Variants in KIF21B observed in about 807,000 individuals in gnomAD.
KIF21B encodes kinesin family member 21B.
KIF21B carries 85 observed loss-of-function variants against 192.9 expected under a neutral mutation model. The observed-to-expected ratio is 0.44, with a 90% CI of 0.37 to 0.53. KIF21B has a LOEUF of 0.53. KIF21B is among the 20% of genes least tolerant of loss of function. The probability of loss-of-function intolerance (pLI) is 0.00; values close to 1 mark genes in which losing one functional copy is unlikely to be tolerated. For missense variants in KIF21B, 1,716 were observed against 2,194.8 expected, an observed-to-expected ratio of 0.78 and a Z score of 4.36; for synonymous variants, 832 against 884.6, an observed-to-expected ratio of 0.94 and a Z score of 1.05.
chr1:201,013,305 A>G (rs373233454), intron 1 of KIF21B, among the ~76,000 whole-genome samples: 1 of 151,996 alleles, frequency 6.6e-6, no homozygotes, highest in Non-Finnish European at 1.5e-5. Flanking sequence ...CCTGCTTTCA[A>G]CTTTCTAAGA....
At chr1:200,992,169 C>G (rs965494605) in intron 16 of KIF21B, 113 bp downstream of exon 16, 6 of 842,378 alleles carry the variant, frequency 7.1e-6, no homozygotes, top group Non-Finnish European at 1.1e-5. Flanking sequence ...ACCATTACCA[C>G]TTAGGACAGT....
Position 200,973,390 on chromosome 1 carries a change from G to A in KIF21B, c.*131C>T. On this transcript the variant is annotated 3_prime_UTR_variant, in exon 35 of 35. Transcript: ENST00000461742. Reference sequence around the variant, plus strand: ...CTGTGGGAAGGCCAAGGGAGAGGGAGGAGGGCAGGAGAGGGGGCCACGCCC... The same window carrying A: ...CTGTGGGAAGGCCAAGGGAGAGGGAAGAGGGCAGGAGAGGGGGCCACGCCC... The A allele has an allele frequency of 4.4e-6, 5 of 1,144,612 alleles. No individual in the cohort carries two copies. Among genetic ancestry groups the A allele is most frequent in the Non-Finnish European group, 5.7e-6 (5 of 870,370 alleles). 70.9% of individuals were successfully genotyped at this position (1,144,612 alleles called of 1,614,324 possible). A position where few individuals can be genotyped will look rare whatever the true frequency, so the allele number is the denominator to read the frequency against.
rs1213611721 is a variant in KIF21B at position 201,023,555 on chromosome 1, C to T, written c.-172G>A. On this transcript the variant is annotated 5_prime_UTR_variant, in exon 1 of 35. Coordinates refer to ENST00000461742, the MANE Select transcript of KIF21B (RefSeq NM_001252102.2). The surrounding 1 kb of genome is among the most constrained non-coding windows in gnomAD (Gnocchi z 5.9). Reference sequence around the variant, plus strand: ...CGGGCGGCAGGCCGAGGGGCTCACCCGCGGCCGGCCCCCCGGGGCTGGGCC... The same window carrying T: ...CGGGCGGCAGGCCGAGGGGCTCACCTGCGGCCGGCCCCCCGGGGCTGGGCC... 4.4e-5 allele frequency: 8 copies of T among 183,874 alleles called. No individual in the cohort carries two copies. Among genetic ancestry groups the T allele is most frequent in the Admixed American group, 2.0e-4 (3 of 15,272 alleles). The allele number at this position is 183,874 out of a possible 1,614,324, so 11.4% of individuals were successfully genotyped here.
At chr1:200,989,098 C>G (rs954765821) in intron 21 of KIF21B, among the ~76,000 whole-genome samples, 167 bp from the exon 22 acceptor site, 1 of 152,152 alleles carries the variant, frequency 6.6e-6, no homozygotes, top group Non-Finnish European at 1.5e-5. Flanking sequence ...CCTTAGCTCC[C>G]ACATACACAC....
intron 3 of KIF21B, among the ~76,000 whole-genome samples, chr1:201,006,528 A>G (rs571632063): frequency 1.3e-5 from 2 of 152,268 alleles, no homozygotes; most frequent in African/African-American, 4.8e-5. Flanking sequence ...AAAGGGACAG[A>G]AATACCCCAC....
rs1655890536 is a variant in KIF21B at position 200,981,102 on chromosome 1, C to CG, written c.3843-7dup. 3.2e-6 allele frequency: 5 copies of CG among 1,579,156 alleles called. No individual in the cohort carries two copies. Among genetic ancestry groups the CG allele is most frequent in the Non-Finnish European group, 4.3e-6 (5 of 1,168,022 alleles). ...CAACCGGGGAGATGATGCCCCTTCC[C>CG]GGGAGAGAGGGAGAGAAGGCATGCT... is the stretch of plus-strand genomic sequence containing the variant. On this transcript the variant is annotated splice_polypyrimidine_tract_variant and splice_region_variant and intron_variant, in intron 28 of 34. Coordinates refer to ENST00000461742, the MANE Select transcript of KIF21B (RefSeq NM_001252102.2).
At chr1:201,020,142 C>G (rs1232542945) in intron 1 of KIF21B, among the ~76,000 whole-genome samples, 2 of 152,058 alleles carry the variant, frequency 1.3e-5, no homozygotes, top group African/African-American at 4.8e-5. Context: ...CTTAGGGAAG[C>G]CAGGCAGAGA....
chr1:200,973,330 C>T lies in KIF21B; in HGVS notation c.*191G>A, dbSNP rs1437569856. Reference sequence around the variant, plus strand: ...CCAGCCTCTCTCTCACCCAGAGGCTCCTGAGAGGCAGGGGAGGGATGAGGG... The same window carrying T: ...CCAGCCTCTCTCTCACCCAGAGGCTTCTGAGAGGCAGGGGAGGGATGAGGG... On this transcript the variant is annotated 3_prime_UTR_variant, in exon 35 of 35. Transcript: ENST00000461742. 1 of 592,386 alleles carries T rather than the reference C, an allele frequency of 1.7e-6. No individual in the cohort carries two copies. Among genetic ancestry groups the T allele is most frequent in the African/African-American group, 2.0e-5 (1 of 51,178 alleles). 36.7% of individuals were successfully genotyped at this position (592,386 alleles called of 1,614,324 possible).
At chr1:201,021,807 A>G (rs1215152640) in intron 1 of KIF21B, among the ~76,000 whole-genome samples, 1 of 152,072 alleles carries the variant, frequency 6.6e-6, no homozygotes, top group Non-Finnish European at 1.5e-5. Flanking sequence ...GGTGGGGGCC[A>G]GAGCTTCATT....
Position 200,998,556 on chromosome 1 carries a change from G to A in KIF21B, c.1905C>T (p.Asp635=), listed in dbSNP as rs758097500. 2 of 1,613,618 alleles carry A rather than the reference G, an allele frequency of 1.2e-6. No individual in the cohort carries two copies. The highest frequency in any genetic ancestry group is 1.7e-6 in the Non-Finnish European group (2 of 1,179,956). ...CGATCTCACAAGTCAGGTCGGCCAGGTCCGCCTGGAAGTTCACCTCTATGG... is the reference window on the plus strand; with the variant it reads ...CGATCTCACAAGTCAGGTCGGCCAGATCCGCCTGGAAGTTCACCTCTATGG... ...PEEKEVNFQA[D]LADLTCEIEI... is the part of the protein sequence containing the mutation. The change falls in exon 14 of 35, where the codon GAC becomes GAT. Residue 635 remains aspartate, a synonymous_variant. Transcript: ENST00000461742. The surrounding 1 kb of genome is among the most constrained non-coding windows in gnomAD (Gnocchi z 4.3).
intron 31 of KIF21B, 121 bp downstream of exon 31, chr1:200,977,091 T>TG: frequency 8.4e-7 from 1 of 1,196,632 alleles, no homozygotes; most frequent in Non-Finnish European, 1.2e-6. Context: ...CCCAGCAGCA[T>TG]GGGGGGAATA....
At chr1:201,005,507 T>C in intron 4 of KIF21B, 38 bp downstream of exon 4, 1 of 1,599,190 alleles carries the variant, frequency 6.3e-7, no homozygotes, top group South Asian at 1.1e-5. Context: ...CCTTTCAGGA[T>C]GCCCTGGACC....
In KIF21B at chr1:200,990,503, A is replaced by G. The variant is rs1252289461; in HGVS notation, c.2835+73T>C. The G allele has an allele frequency of 6.4e-7, 1 of 1,562,942 alleles. No homozygotes were observed. The highest frequency in any genetic ancestry group is 2.2e-5 in the East Asian group (1 of 44,510). ...AAGTGGGGCAGGGAAAGGTCTGAAG[A>G]GCCAGAGAAGTTGGAGGTGTCAGAG... On this transcript the variant is annotated intron_variant, in intron 19 of 34. Transcript: ENST00000461742. This position sits in a 1 kb window ranked among gnomAD's most constrained non-coding sequence, Gnocchi z 5.4.
chr1:201,002,233 C>A lies in KIF21B; in HGVS notation c.1330G>T (p.Ala444Ser). 6.2e-7 allele frequency: 1 copy of A among 1,614,194 alleles called. No homozygotes were observed. Among genetic ancestry groups the A allele is most frequent in the Non-Finnish European group, 8.5e-7 (1 of 1,180,030 alleles). The change falls in exon 9 of 35, where the codon GCC (alanine) becomes TCC (serine). Residue 444 changes from alanine (A) to serine (S), a missense_variant. By Grantham distance (99) the Ala-to-Ser change is moderately conservative (BLOSUM62 1). Coordinates refer to ENST00000461742, the MANE Select transcript of KIF21B (RefSeq NM_001252102.2). ...ACGCGGTTGTTGATGGCATCGATGG[C>A]CTCCTGCATGGCTTTCACCCGCAGC... ...LRLRVKAMQE[A>S]IDAINNRVTQ...
chr1:201,017,464 C>T lies in KIF21B; in HGVS notation c.41+5879G>A, dbSNP rs1432916770. Among the ~76,000 whole-genome samples, 3 of 152,222 alleles carry T rather than the reference C, an allele frequency of 2.0e-5. No individual in the cohort carries two copies. Among genetic ancestry groups the T allele is most frequent in the Non-Finnish European group, 2.9e-5 (2 of 68,020 alleles). The stretch of plus-strand genomic sequence containing the variant: ...CAGCGCCACTCTCCCTGTCCCACCC[C>T]CATCTCAGGGCATCTGGCAGGGGTT... On this transcript the variant is annotated intron_variant, in intron 1 of 34. Transcript: ENST00000461742. This position sits in a 1 kb window ranked among gnomAD's most constrained non-coding sequence, Gnocchi z 4.1.
Position 201,000,333 on chromosome 1 carries a change from C to T in KIF21B, c.1685+57G>A. ...GGCAGCAGTCCTCCTTGGGGACGGGCAGGGTCCACTGGGGCGGTCTGAGGG... is the reference window on the plus strand; with the variant it reads ...GGCAGCAGTCCTCCTTGGGGACGGGTAGGGTCCACTGGGGCGGTCTGAGGG... On this transcript the variant is annotated intron_variant, in intron 11 of 34. Coordinates refer to ENST00000461742, the MANE Select transcript of KIF21B (RefSeq NM_001252102.2). The surrounding 1 kb of genome is among the most constrained non-coding windows in gnomAD (Gnocchi z 6.0). 6.8e-7 allele frequency: 1 copy of T among 1,477,090 alleles called. No individual in the cohort carries two copies. Among genetic ancestry groups the T allele is most frequent in the Non-Finnish European group, 9.0e-7 (1 of 1,108,230 alleles). 91.5% of individuals were successfully genotyped at this position (1,477,090 alleles called of 1,614,324 possible).
At chr1:200,989,616 G>A (rs1395653) in intron 21 of KIF21B, among the ~76,000 whole-genome samples, 39,129 of 152,194 alleles carry the variant, frequency 0.26, 6,021 homozygotes, top group African/African-American at 0.43. Context: ...TCCACCTCCA[G>A]CAGACTCAAG....
At chr1:201,022,059 A>C (rs1327488333) in intron 1 of KIF21B, among the ~76,000 whole-genome samples, 2 of 152,198 alleles carry the variant, frequency 1.3e-5, no homozygotes, top group Non-Finnish European at 2.9e-5. Context: ...AGTGCTGCCT[A>C]GGGTGCATGG....
At chr1:201,002,505 C>G in intron 8 of KIF21B, 155 bp from the exon 9 acceptor site, 1 of 641,074 alleles carries the variant, frequency 1.6e-6, no homozygotes, top group Non-Finnish European at 2.7e-6. Context: ...TAAAACACAG[C>G]TACTGGCCCC....
Sources: allele counts gnomAD v4.1 joint callset (sites outside exome capture counted in the v4.1 genomes callset), GRCh38; gene constraint gnomAD v4.1.1; non-coding constraint Gnocchi (gnomAD v3.1); transcripts MANE v1.5; gene names NCBI Gene and HGNC (gene_info 2026-07-23, HGNC 2026-07-21).